PDZRN3: variants seen among roughly 807,000 people sequenced by gnomAD.
PDZRN3 encodes the protein E3 ubiquitin-protein ligase PDZRN3.
PDZRN3 carries 38 observed loss-of-function variants against 85.7 expected under a neutral mutation model. The ratio of observed to expected loss-of-function variants is 0.44; its 90% CI spans 0.34 to 0.58. PDZRN3 has a LOEUF of 0.58. Ranked by LOEUF, PDZRN3 falls within the 20% of genes least tolerant of loss-of-function variation. The pLI is 0.01. For synonymous variants in PDZRN3, 759 were observed against 638.0 expected, an observed-to-expected ratio of 1.19 and a Z score of -2.86; for missense variants, 1,629 against 1,506.4, an observed-to-expected ratio of 1.08 and a Z score of -1.35.
At chr3:73,499,820 A>G (rs763155603) in intron 3 of PDZRN3, among the ~76,000 whole-genome samples, 2 of 152,130 alleles carry the variant, frequency 1.3e-5, no homozygotes, top group African/African-American at 2.4e-5. Context: ...TCTCCATGAC[A>G]TAACTTCCTT....
intron 1 of PDZRN3, among the ~76,000 whole-genome samples, chr3:73,617,589 T>C (rs1702783375): frequency 6.6e-6 from 1 of 152,212 alleles, no homozygotes; most frequent in Non-Finnish European, 1.5e-5. Flanking sequence ...AACTGCAGAA[T>C]ACATTTGGAA....
intron 3 of PDZRN3, among the ~76,000 whole-genome samples, chr3:73,599,022 C>T (rs528868856): frequency 4.6e-5 from 7 of 152,142 alleles, no homozygotes; most frequent in Non-Finnish European, 1.0e-4. Context: ...TATCACATAT[C>T]CCACCAGACA....
intron 3 of PDZRN3, among the ~76,000 whole-genome samples, chr3:73,460,696 G>C (rs770604759): frequency 6.6e-5 from 10 of 152,002 alleles, no homozygotes; most frequent in Admixed American, 1.3e-4. Flanking sequence ...GTTGATCAAA[G>C]AACAAAGAAA....
chr3:73,518,215 T>C (rs1704288357), intron 3 of PDZRN3, among the ~76,000 whole-genome samples: 1 of 152,214 alleles, frequency 6.6e-6, no homozygotes, highest in Non-Finnish European at 1.5e-5. Context: ...CATGGAAGAA[T>C]GTTGAGGACC....
At chr3:73,519,140 C>A (rs1255750835) in intron 3 of PDZRN3, among the ~76,000 whole-genome samples, 1 of 152,216 alleles carries the variant, frequency 6.6e-6, no homozygotes, top group Non-Finnish European at 1.5e-5. Context: ...CCACTGGCCA[C>A]ACCCACCTGG....
intron 3 of PDZRN3, among the ~76,000 whole-genome samples, chr3:73,426,788 G>A (rs1424357059): frequency 6.6e-6 from 1 of 152,110 alleles, no homozygotes; most frequent in East Asian, 1.9e-4. Context: ...CAGTAGCTCT[G>A]GGGCGGGGCC....
intron 8 of PDZRN3, among the ~76,000 whole-genome samples, chr3:73,387,174 CCT>C: frequency 6.6e-6 from 1 of 152,270 alleles, no homozygotes; most frequent in Middle Eastern, 3.4e-3. Flanking sequence ...GTCCATGAAA[CCT>C]CTTTTTTCTT....
chr3:73,474,158 A>G (rs1703402706), intron 3 of PDZRN3, among the ~76,000 whole-genome samples: 1 of 152,076 alleles, frequency 6.6e-6, no homozygotes, highest in African/African-American at 2.4e-5. Context: ...AACACACATT[A>G]ATTTTGCTCC....
At chr3:73,546,029 C>T (rs1051404368) in intron 3 of PDZRN3, among the ~76,000 whole-genome samples, 2 of 152,198 alleles carry the variant, frequency 1.3e-5, no homozygotes, top group South Asian at 2.1e-4. Context: ...TGCCTGAGGG[C>T]AGGGGCCTCC....
chr3:73,429,591 T>A (rs1375609703), intron 3 of PDZRN3, among the ~76,000 whole-genome samples: 1 of 152,224 alleles, frequency 6.6e-6, no homozygotes, highest in Non-Finnish European at 1.5e-5. Flanking sequence ...AATCTGTGTT[T>A]TTCTATCCAA....
chr3:73,403,410 G>A (rs997677010), intron 4 of PDZRN3, among the ~76,000 whole-genome samples: 17 of 152,156 alleles, frequency 1.1e-4, no homozygotes, highest in Non-Finnish European at 1.6e-4. Context: ...TATGCCCCAT[G>A]AGCACTTCCC....
At chr3:73,613,551 C>A (rs1702715305) in intron 1 of PDZRN3, among the ~76,000 whole-genome samples, 1 of 152,018 alleles carries the variant, frequency 6.6e-6, no homozygotes, top group Non-Finnish European at 1.5e-5. Context: ...ATCAGTGGGT[C>A]TCGATGGATT....
chr3:73,466,326 A>G (rs1311701264), intron 3 of PDZRN3, among the ~76,000 whole-genome samples: 1 of 141,276 alleles, frequency 7.1e-6, no homozygotes, highest in African/African-American at 2.9e-5. Flanking sequence ...GTGATAGAAA[A>G]AAAAAAAAGG....
intron 3 of PDZRN3, among the ~76,000 whole-genome samples, chr3:73,482,397 T>C (rs1055693379): frequency 1.3e-4 from 20 of 152,286 alleles, no homozygotes; most frequent in Non-Finnish European, 1.2e-4. Flanking sequence ...CAACTCTTCA[T>C]TCTCTTCTAA....
chr3:73,611,153 A>T (rs886394201), intron 1 of PDZRN3, among the ~76,000 whole-genome samples: 3 of 152,184 alleles, frequency 2.0e-5, no homozygotes, highest in African/African-American at 7.2e-5. Context: ...TGGGTTAGCA[A>T]CATCTTAGGT....
intron 3 of PDZRN3, among the ~76,000 whole-genome samples, chr3:73,431,723 T>C (rs1488486774): frequency 6.6e-6 from 1 of 152,208 alleles, no homozygotes; most frequent in Non-Finnish European, 1.5e-5. Context: ...GCTGACCAAG[T>C]ATATTCCAGA....
chr3:73,497,531 C>T (rs1703888459), intron 3 of PDZRN3, among the ~76,000 whole-genome samples: 1 of 152,172 alleles, frequency 6.6e-6, no homozygotes, highest in South Asian at 2.1e-4. Context: ...ACTCAAAGTA[C>T]AGAAAGGCTC....
chr3:73,493,271 G>A (rs1380306609), intron 3 of PDZRN3, among the ~76,000 whole-genome samples: 3 of 152,062 alleles, frequency 2.0e-5, no homozygotes, highest in Non-Finnish European at 4.4e-5. Context: ...GGAGTGGGGA[G>A]GACAGCCATG....
At chr3:73,468,041 T>C (rs1703255373) in intron 3 of PDZRN3, among the ~76,000 whole-genome samples, 1 of 152,100 alleles carries the variant, frequency 6.6e-6, no homozygotes, top group Admixed American at 6.6e-5. Context: ...AATGCAAATA[T>C]ATTTAACACC....
Sources: allele counts gnomAD v4.1 joint callset (sites outside exome capture counted in the v4.1 genomes callset), GRCh38; gene constraint gnomAD v4.1.1; transcripts MANE v1.5; gene names NCBI Gene and HGNC (gene_info 2026-07-23, HGNC 2026-07-21).